The following SCHIP1 variants were observed in gnomAD, a reference collection of about 807,000 sequenced individuals.
SCHIP1 encodes schwannomin-interacting protein 1.
In SCHIP1, 8 loss-of-function variants were observed where a neutral mutation model predicts 29.7. The ratio of observed to expected loss-of-function variants is 0.27; its 90% confidence interval spans 0.16 to 0.49. The LOEUF (loss-of-function observed/expected upper bound fraction) is 0.49, where lower values mean the gene tolerates loss of function less well. Ranked by LOEUF, SCHIP1 falls within the 20% of genes least tolerant of loss-of-function variation. The probability of loss-of-function intolerance (pLI) is 0.99; values close to 1 mark genes in which losing one functional copy is unlikely to be tolerated. For missense variants in SCHIP1, 193 were observed against 294.6 expected (o/e 0.66, Z 2.52); for synonymous variants, 76 against 94.9 (o/e 0.80, Z 1.16).
At chr3:159,291,492 A>G in the SCHIP1 span, among the ~76,000 whole-genome samples, 2 of 152,162 alleles carry the variant, frequency 1.3e-5, no homozygotes, top group Admixed American at 6.5e-5. Context: ...AGAAAATCAC[A>G]ATTTTGCAAC....
the SCHIP1 span, among the ~76,000 whole-genome samples, chr3:159,687,685 T>C: frequency 6.6e-6 from 1 of 152,190 alleles, no homozygotes; most frequent in Non-Finnish European, 1.5e-5. Flanking sequence ...CGTGCCATGG[T>C]GGCTTGCTGC....
At chr3:159,635,184 T>C in the SCHIP1 span, among the ~76,000 whole-genome samples, 47 of 152,318 alleles carry the variant, frequency 3.1e-4, 1 homozygote, top group South Asian at 9.1e-3. Context: ...TCTCTTTGTA[T>C]CATTTATCTA....
chr3:159,444,172 G>A, the SCHIP1 span, among the ~76,000 whole-genome samples: 1 of 152,146 alleles, frequency 6.6e-6, no homozygotes, highest in Non-Finnish European at 1.5e-5. Flanking sequence ...AGCAAGGGGA[G>A]CGCAATCCCA....
At chr3:159,360,968 G>A in the SCHIP1 span, among the ~76,000 whole-genome samples, 2,473 of 152,126 alleles carry the variant, frequency 0.016, 57 homozygotes, top group African/African-American at 0.056. Context: ...AGACAATATC[G>A]GGGTTACTTT....
At chr3:159,312,815 C>T in the SCHIP1 span, among the ~76,000 whole-genome samples, 1 of 152,292 alleles carries the variant, frequency 6.6e-6, no homozygotes, top group African/African-American at 2.4e-5. Flanking sequence ...TATCAACTCA[C>T]CCTCCTCTGT....
the SCHIP1 span, among the ~76,000 whole-genome samples, chr3:159,317,371 C>T: frequency 6.6e-6 from 1 of 152,170 alleles, no homozygotes; most frequent in Admixed American, 6.5e-5. Flanking sequence ...GGAACTAAGA[C>T]CTCTAGGCCA....
the SCHIP1 span, among the ~76,000 whole-genome samples, chr3:159,565,994 A>G: frequency 6.6e-6 from 1 of 152,212 alleles, no homozygotes; most frequent in South Asian, 2.1e-4. Flanking sequence ...TTTGGCTTGA[A>G]GTAATTCTTA....
chr3:159,850,444 C>T (rs764295691), intron 1 of SCHIP1, among the ~76,000 whole-genome samples: 42 of 148,756 alleles, frequency 2.8e-4, no homozygotes, highest in Non-Finnish European at 3.6e-4. Context: ...ATCTCAGCTA[C>T]TTGAGAGGCT....
At chr3:159,554,305 CTAATATA>C in the SCHIP1 span, among the ~76,000 whole-genome samples, 2 of 152,098 alleles carry the variant, frequency 1.3e-5, no homozygotes, top group Admixed American at 6.5e-5. Flanking sequence ...GCCTGTCTCC[CTAATATA>C]TGTATGCATG....
chr3:159,577,747 C>A, the SCHIP1 span, among the ~76,000 whole-genome samples: 6 of 152,176 alleles, frequency 3.9e-5, no homozygotes. Flanking sequence ...AATTTAATCC[C>A]TTTGCAGGTG....
At chr3:159,496,412 A>G in the SCHIP1 span, among the ~76,000 whole-genome samples, 1 of 152,112 alleles carries the variant, frequency 6.6e-6, no homozygotes, top group Non-Finnish European at 1.5e-5. Flanking sequence ...TTACAAGAAA[A>G]AAACAAACAA....
At chr3:159,493,542 G>A in the SCHIP1 span, among the ~76,000 whole-genome samples, 1 of 151,936 alleles carries the variant, frequency 6.6e-6, no homozygotes, top group African/African-American at 2.4e-5. Flanking sequence ...AATTCAACAA[G>A]AAGAGCTAAC....
the SCHIP1 span, among the ~76,000 whole-genome samples, chr3:159,714,931 G>A: frequency 4.6e-5 from 7 of 152,216 alleles, no homozygotes; most frequent in South Asian, 2.1e-4. Flanking sequence ...ATCTGAGAAC[G>A]GACTGACTGC....
At chr3:159,283,288 G>A in the SCHIP1 span, among the ~76,000 whole-genome samples, 5 of 152,166 alleles carry the variant, frequency 3.3e-5, no homozygotes, top group African/African-American at 1.2e-4. Context: ...GAGTAGCTGG[G>A]ATTACAGGCC....
At chr3:159,424,867 A>G in the SCHIP1 span, among the ~76,000 whole-genome samples, 2 of 151,882 alleles carry the variant, frequency 1.3e-5, no homozygotes, top group East Asian at 3.9e-4. Context: ...AAAAGCCAGA[A>G]GAGAGTGGGG....
At chr3:159,596,475 T>C in the SCHIP1 span, among the ~76,000 whole-genome samples, 18 of 152,206 alleles carry the variant, frequency 1.2e-4, no homozygotes, top group Admixed American at 1.2e-3. Context: ...TTATAAATCA[T>C]GCTGCTATAA....
At chr3:159,773,638 T>C in the SCHIP1 span, among the ~76,000 whole-genome samples, 5 of 152,246 alleles carry the variant, frequency 3.3e-5, no homozygotes, top group African/African-American at 1.2e-4. Flanking sequence ...TTTTTATCAT[T>C]TGATAGAAAA....
At chr3:159,569,258 G>C in the SCHIP1 span, among the ~76,000 whole-genome samples, 1 of 151,966 alleles carries the variant, frequency 6.6e-6, no homozygotes, top group East Asian at 1.9e-4. Flanking sequence ...ATGTTGGTTT[G>C]CTGCACCCAT....
chr3:159,719,653 A>G, the SCHIP1 span, among the ~76,000 whole-genome samples: 2 of 152,262 alleles, frequency 1.3e-5, no homozygotes, highest in African/African-American at 4.8e-5. Flanking sequence ...ATCACTGGCC[A>G]TCAGAGAAAT....
Sources: gnomAD v4.1 joint callset for allele counts (sites outside exome capture counted in the v4.1 genomes callset) on GRCh38, gnomAD v4.1.1 for gene constraint, MANE v1.5 for transcripts, NCBI Gene and HGNC (gene_info 2026-07-23, HGNC 2026-07-21) for gene names.